PTPRG: variants seen among roughly 807,000 people sequenced by gnomAD.
The protein encoded by PTPRG is protein tyrosine phosphatase receptor type G, also known as receptor-type tyrosine-protein phosphatase gamma.
A neutral mutation model predicts 165.3 loss-of-function variants in PTPRG; 102 were observed. The ratio of observed to expected loss-of-function variants is 0.62; its 90% CI spans 0.53 to 0.73. PTPRG has a LOEUF of 0.73. Ranked by LOEUF, PTPRG falls within the 30% of genes least tolerant of loss-of-function variation. PTPRG has a pLI of 0.00. For missense variants in PTPRG, 1,866 were observed against 1,861.4 expected (o/e 1.00, Z -0.05); for synonymous variants, 675 against 669.5 (o/e 1.01, Z -0.13).
chr3:61,752,785 C>CAAAAAAAAAAAAAAAAAAAAAAAAAAA (rs749817659), intron 2 of PTPRG, among the ~76,000 whole-genome samples: 1 of 69,980 alleles, frequency 1.4e-5, no homozygotes, highest in East Asian at 5.1e-4. Context: ...AAGACTGTCT[C>CAAAAAAAAAAAAAAAAAAAAAAAAAAA]AAAAAAAAAA....
chr3:61,788,765 G>T (rs1041854297), intron 2 of PTPRG, among the ~76,000 whole-genome samples: 1 of 152,222 alleles, frequency 6.6e-6, no homozygotes, highest in African/African-American at 2.4e-5. Flanking sequence ...GTTCAGCTCT[G>T]CTACATGAAA....
chr3:61,975,582 C>T (rs1010188653), intron 2 of PTPRG, among the ~76,000 whole-genome samples: 1 of 152,184 alleles, frequency 6.6e-6, no homozygotes, highest in African/African-American at 2.4e-5. Flanking sequence ...TGTCAGTGAG[C>T]TGCCACATCT....
intron 2 of PTPRG, among the ~76,000 whole-genome samples, chr3:61,971,904 C>A: frequency 6.6e-6 from 1 of 152,180 alleles, no homozygotes. Flanking sequence ...AGTGAAACTG[C>A]GTTGTTATTT....
chr3:61,952,797 C>A (rs1268054028), intron 2 of PTPRG, among the ~76,000 whole-genome samples: 1 of 152,178 alleles, frequency 6.6e-6, no homozygotes, highest in African/African-American at 2.4e-5. Flanking sequence ...CAGCTCCTAT[C>A]AGTGTCACTT....
chr3:62,155,622 C>G (rs961977948), intron 6 of PTPRG, among the ~76,000 whole-genome samples: 1 of 152,158 alleles, frequency 6.6e-6, no homozygotes, highest in African/African-American at 2.4e-5. Flanking sequence ...GGCATATAGG[C>G]GAAGCTAAAT....
chr3:62,221,850 A>T (rs1001001274), intron 13 of PTPRG, among the ~76,000 whole-genome samples: 1 of 152,202 alleles, frequency 6.6e-6, no homozygotes, highest in Non-Finnish European at 1.5e-5. Flanking sequence ...TTCATGAAAT[A>T]GTGGAAAACT....
intron 3 of PTPRG, among the ~76,000 whole-genome samples, chr3:61,996,493 C>T (rs1291899449): frequency 2.0e-5 from 3 of 152,056 alleles, no homozygotes; most frequent in Non-Finnish European, 4.4e-5. Context: ...AAAGAGACTG[C>T]CAAGCTTCTG....
intron 1 of PTPRG, among the ~76,000 whole-genome samples, chr3:61,715,061 A>G (rs2106765101): frequency 6.6e-6 from 1 of 152,310 alleles, no homozygotes; most frequent in South Asian, 2.1e-4. Flanking sequence ...GTCATGGGCA[A>G]GGAATTCCAG....
At chr3:62,230,130 C>G (rs140490306) in intron 13 of PTPRG, among the ~76,000 whole-genome samples, 228 of 152,320 alleles carry the variant, frequency 1.5e-3, no homozygotes, top group African/African-American at 2.9e-3. Flanking sequence ...ATCCCTCCCC[C>G]CTTTTAATCG....
chr3:62,209,741 T>G (rs759959572), intron 12 of PTPRG, among the ~76,000 whole-genome samples: 11 of 152,326 alleles, frequency 7.2e-5, no homozygotes, highest in South Asian at 4.1e-4. Flanking sequence ...TGGTTTAGTT[T>G]CTTCTCAGAA....
chr3:62,138,910 G>A (rs978036610), intron 6 of PTPRG, among the ~76,000 whole-genome samples: 3 of 152,078 alleles, frequency 2.0e-5, no homozygotes, highest in African/African-American at 7.2e-5. Context: ...AATCCAGCAG[G>A]CTGTTTGTGT....
chr3:61,950,850 A>G (rs2039882691), intron 2 of PTPRG, among the ~76,000 whole-genome samples: 2 of 152,234 alleles, frequency 1.3e-5, no homozygotes, highest in South Asian at 4.1e-4. Flanking sequence ...GCTGCATGGC[A>G]TATACGTAAA....
chr3:61,583,456 A>T (rs1387816251), intron 1 of PTPRG, among the ~76,000 whole-genome samples: 2 of 152,198 alleles, frequency 1.3e-5, no homozygotes, highest in Non-Finnish European at 2.9e-5. Context: ...GAAGAATTGG[A>T]TGCGGATGTA....
intron 5 of PTPRG, among the ~76,000 whole-genome samples, chr3:62,126,969 A>C (rs762872184): frequency 3.3e-4 from 50 of 152,216 alleles, no homozygotes; most frequent in Non-Finnish European, 6.3e-4. Flanking sequence ...GAAAAACTAC[A>C]TTTCTATATC....
chr3:61,947,784 T>G (rs2039798095), intron 2 of PTPRG, among the ~76,000 whole-genome samples: 1 of 152,184 alleles, frequency 6.6e-6, no homozygotes, highest in South Asian at 2.1e-4. Context: ...TAAAATTTCT[T>G]GCAAAAGTCT....
At chr3:61,919,601 C>T (rs2039028178) in intron 2 of PTPRG, among the ~76,000 whole-genome samples, 1 of 152,048 alleles carries the variant, frequency 6.6e-6, no homozygotes, top group African/African-American at 2.4e-5. Flanking sequence ...TGAAGATGGA[C>T]AAATGGGAAT....
At chr3:62,267,317 C>A in intron 17 of PTPRG, 93 bp from the exon 18 acceptor site, 1 of 956,176 alleles carries the variant, frequency 1.0e-6, no homozygotes, top group Non-Finnish European at 1.6e-6. Context: ...TGGGAGATGT[C>A]ATGTTACCTG....
At chr3:62,011,547 A>G (rs943785942) in intron 4 of PTPRG, among the ~76,000 whole-genome samples, 4 of 152,208 alleles carry the variant, frequency 2.6e-5, no homozygotes, top group Non-Finnish European at 4.4e-5. Flanking sequence ...CAAATGGGAA[A>G]GGAATTGGTT....
intron 4 of PTPRG, among the ~76,000 whole-genome samples, chr3:62,048,755 C>T (rs148643433): frequency 2.6e-5 from 4 of 152,242 alleles, no homozygotes; most frequent in African/African-American, 9.6e-5. Flanking sequence ...TACAAGTTTC[C>T]TGCATTACAT....
Sources: gnomAD v4.1 joint callset for allele counts (sites outside exome capture counted in the v4.1 genomes callset) on GRCh38, gnomAD v4.1.1 for gene constraint, MANE v1.5 for transcripts, NCBI Gene and HGNC (gene_info 2026-07-23, HGNC 2026-07-21) for gene names.